Variants in BRD7 observed in about 807,000 individuals in gnomAD.
The protein encoded by BRD7 is bromodomain containing 7.
Under a neutral mutation model 82.1 loss-of-function variants are expected in BRD7, and 15 were observed. The observed-to-expected ratio is 0.18, with a 90% CI of 0.12 to 0.28. The LOEUF (loss-of-function observed/expected upper bound fraction) is 0.28. Ranked by LOEUF, BRD7 falls within the 10% of genes least tolerant of loss-of-function variation. The probability of loss-of-function intolerance (pLI) is 1.00; values close to 1 mark genes in which losing one functional copy is unlikely to be tolerated. For missense variants in BRD7, 638 were observed against 779.9 expected, an observed-to-expected ratio of 0.82 and a Z score of 2.17; for synonymous variants, 232 against 266.9, an observed-to-expected ratio of 0.87 and a Z score of 1.27.
At position 50,346,674 on chromosome 16, in the gene BRD7, G is replaced by A. The variant is rs1249042647; in HGVS notation, c.591+3349C>T. On this transcript the variant is annotated intron_variant, in intron 5 of 16. Transcript: ENST00000394688. ...ATAAACTAGAAAATCTAGAAGAAAT[G>A]GATAAATTCCTGGATACATACACCC... Among the ~76,000 whole-genome samples the A allele has an allele frequency of 2.0e-5, 3 of 152,234 alleles. No individual in the cohort carries two copies. In the East Asian group the frequency reaches 5.8e-4, roughly 29 times the overall value.
chr16:50,363,671 G>A (rs1463353562), intron 2 of BRD7, among the ~76,000 whole-genome samples: 2 of 61,976 alleles, frequency 3.2e-5, no homozygotes, highest in African/African-American at 6.9e-5. Context: ...GCGCGCGCGC[G>A]CGTGCGCGTG....
At chr16:50,337,052 G>A (rs1186345191) in intron 6 of BRD7, among the ~76,000 whole-genome samples, 2 of 152,082 alleles carry the variant, frequency 1.3e-5, no homozygotes, top group East Asian at 3.9e-4. Flanking sequence ...TACAGGACAG[G>A]AAAAAGGCTG....
chr16:50,341,680 GA>G (rs1225243819), intron 5 of BRD7, among the ~76,000 whole-genome samples: 2 of 150,766 alleles, frequency 1.3e-5, no homozygotes, highest in Non-Finnish European at 2.9e-5. Context: ...TATTTGGGGG[GA>G]TGGGACGCAA....
intron 2 of BRD7, chr16:50,361,924 G>C (rs1450381822): frequency 6.6e-6 from 1 of 152,092 alleles, no homozygotes; most frequent in African/African-American, 2.4e-5. Context: ...TCTATTCAGG[G>C]ATCATCATCT....
At chr16:50,331,932 C>T (rs1417928320) in intron 8 of BRD7, among the ~76,000 whole-genome samples, 1 of 152,188 alleles carries the variant, frequency 6.6e-6, no homozygotes, top group Non-Finnish European at 1.5e-5. Context: ...AACTGGCTAA[C>T]CATGTGCAGA....
chr16:50,341,814 G>A (rs567034284), intron 5 of BRD7, among the ~76,000 whole-genome samples: 1 of 151,638 alleles, frequency 6.6e-6, no homozygotes, highest in South Asian at 2.1e-4. Flanking sequence ...ACACAGGACT[G>A]ATCTATTAAG....
At chr16:50,346,988 G>A (rs1372289104) in intron 5 of BRD7, among the ~76,000 whole-genome samples, 1 of 152,198 alleles carries the variant, frequency 6.6e-6, no homozygotes, top group Non-Finnish European at 1.5e-5. Context: ...TATCCCTGAT[G>A]AACATCGATG....
intron 5 of BRD7, among the ~76,000 whole-genome samples, chr16:50,341,177 T>TACACACACACACACACACACAC (rs57755008): frequency 7.3e-6 from 1 of 137,216 alleles, no homozygotes; most frequent in African/African-American, 2.6e-5. Context: ...AGACCTTAAG[T>TACACACACACACACACACACAC]ACACACACAC....
chr16:50,367,944 C>G, intron 2 of BRD7, 146 bp downstream of exon 2: 1 of 810,156 alleles, frequency 1.2e-6, no homozygotes, highest in Non-Finnish European at 2.0e-6. Flanking sequence ...ATAGATGATT[C>G]ATGTCTCTAT....
At chr16:50,319,533 CCTT>C (rs1364499466) in intron 16 of BRD7, among the ~76,000 whole-genome samples, 1 of 151,844 alleles carries the variant, frequency 6.6e-6, no homozygotes, top group Non-Finnish European at 1.5e-5. Flanking sequence ...TACAGTTGAC[CCTT>C]CTTATCCATG....
chr16:50,360,710 G>C (rs1412721349), intron 2 of BRD7, among the ~76,000 whole-genome samples: 1 of 152,124 alleles, frequency 6.6e-6, no homozygotes, highest in Non-Finnish European at 1.5e-5. Flanking sequence ...TTAATCACTG[G>C]AGCCTAGTAC....
chr16:50,318,982 G>C lies in BRD7; in HGVS notation c.*229C>G. 1 of 432,404 alleles carries C rather than the reference G, an allele frequency of 2.3e-6. No homozygotes were observed. Among genetic ancestry groups the C allele is most frequent in the Non-Finnish European group, 4.2e-6 (1 of 239,176 alleles). The allele number at this position is 432,404 out of a possible 1,614,324, so 26.8% of individuals were successfully genotyped here. ...AAGAAGCATTGGAAGGCACTATTTT[G>C]AAAGAATGCTGCACAGGTATGGCAA... On this transcript the variant is annotated 3_prime_UTR_variant, in exon 17 of 17. Transcript: ENST00000394688.
intron 16 of BRD7, 148 bp downstream of exon 16, chr16:50,319,739 A>ATGTT (rs1367976371): frequency 4.2e-5 from 40 of 963,702 alleles, no homozygotes; most frequent in Admixed American, 5.0e-5. Flanking sequence ...AATACCTTTT[A>ATGTT]TGTTAGGGAC....
chr16:50,367,152 T>A (rs941826199), intron 2 of BRD7, among the ~76,000 whole-genome samples: 1 of 152,254 alleles, frequency 6.6e-6, no homozygotes, highest in African/African-American at 2.4e-5. Context: ...TATGAAAATT[T>A]ACCTTCACAA....
At chr16:50,356,767 G>C (rs1004389073) in intron 2 of BRD7, among the ~76,000 whole-genome samples, 1 of 150,736 alleles carries the variant, frequency 6.6e-6, no homozygotes, top group Non-Finnish European at 1.5e-5. Context: ...TATATATATG[G>C]CTAAATGTTG....
rs1319817940 is a variant in BRD7 at position 50,368,891 on chromosome 16, G to C, written c.-117C>G. On this transcript the variant is annotated 5_prime_UTR_variant, in exon 1 of 17. Transcript: ENST00000394688. ...CGGGGCCCGCGAGACCCCGCGCCGC[G>C]AGGCAGGGGGGCGGCGCGCGCCGGG... 10 of 565,484 alleles carry C rather than the reference G, an allele frequency of 1.8e-5. No homozygotes were observed. Among genetic ancestry groups the C allele is most frequent in the Non-Finnish European group, 2.3e-5 (10 of 438,896 alleles). The allele number at this position is 565,484 out of a possible 1,614,324, so 35.0% of individuals were successfully genotyped here.
rs1567296434 is a variant in BRD7, at chr16:50,368,316, AAAG to A, written c.50-21_50-19del. On this transcript the variant is annotated intron_variant, in intron 1 of 16. Coordinates refer to ENST00000394688, the MANE Select transcript of BRD7 (RefSeq NM_013263.5). ...TACATACTCTTAAAAAAAGAAAAGA[AAAG>A]AAAGGAAAGCGCGTCGATTAAAATC... 1.9e-6 allele frequency: 3 copies of A among 1,608,872 alleles called. No homozygotes were observed. In the South Asian group the frequency reaches 3.3e-5, roughly 18 times the overall value.
chr16:50,364,266 C>T (rs541885263), intron 2 of BRD7, among the ~76,000 whole-genome samples: 2 of 152,282 alleles, frequency 1.3e-5, no homozygotes, highest in Non-Finnish European at 2.9e-5. Context: ...CAGAATCATA[C>T]ATACTCTAGC....
chr16:50,348,332 A>G (rs1336424908), intron 5 of BRD7, among the ~76,000 whole-genome samples: 1 of 152,234 alleles, frequency 6.6e-6, no homozygotes, highest in Non-Finnish European at 1.5e-5. Flanking sequence ...AGGCTATACC[A>G]TTCAGGACAT....
Sources: allele counts gnomAD v4.1 joint callset (sites outside exome capture counted in the v4.1 genomes callset), GRCh38; gene constraint gnomAD v4.1.1; transcripts MANE v1.5; gene names NCBI Gene and HGNC (gene_info 2026-07-23, HGNC 2026-07-21).